Variants in SPATA31H1 observed in about 807,000 individuals in gnomAD.
SPATA31H1 encodes spermatogenesis-associated protein 31H1.
chr2:27,562,866 G>A, the SPATA31H1 span, among the ~76,000 whole-genome samples: 3 of 150,138 alleles, frequency 2.0e-5, no homozygotes, highest in South Asian at 2.1e-4. Context: ...CAGCCTGGAC[G>A]ACAGAGTGAG....
the SPATA31H1 span, among the ~76,000 whole-genome samples, chr2:27,553,778 C>T: frequency 2.6e-5 from 4 of 151,594 alleles, no homozygotes; most frequent in African/African-American, 4.9e-5. Context: ...AAAAATTAGC[C>T]GGGTGTGGTG....
At chr2:27,575,372 T>C in the SPATA31H1 span, 2 of 398,416 alleles carry the variant, frequency 5.0e-6, no homozygotes, top group African/African-American at 2.1e-5. The surrounding 1 kb of genome is among the most constrained non-coding windows in gnomAD (Gnocchi z 4.1). Flanking sequence ...ATCTGCAACA[T>C]AGAAAATCTT....
At chr2:27,577,086 A>G in the SPATA31H1 span, 1 of 1,614,198 alleles carries the variant, frequency 6.2e-7, no homozygotes, top group Non-Finnish European at 8.5e-7. This position sits in a 1 kb window ranked among gnomAD's most constrained non-coding sequence, Gnocchi z 4.5. Flanking sequence ...ATATAAAGGC[A>G]TAGATACTGT....
chr2:27,550,371 T>C, the SPATA31H1 span, among the ~76,000 whole-genome samples: 1 of 151,576 alleles, frequency 6.6e-6, no homozygotes, highest in African/African-American at 2.4e-5. Context: ...TTCCCTTTTA[T>C]TTCCAGTCTG....
the SPATA31H1 span, chr2:27,570,112 A>G: frequency 7.5e-6 from 3 of 398,802 alleles, no homozygotes; most frequent in African/African-American, 4.1e-5. Context: ...CAAGATGTCA[A>G]ATTTTCTGAT....
chr2:27,551,571 C>G, the SPATA31H1 span, among the ~76,000 whole-genome samples: 2 of 151,966 alleles, frequency 1.3e-5, no homozygotes, highest in African/African-American at 4.8e-5. Context: ...ACCAGAAACT[C>G]AAGAGTTGAT....
At chr2:27,561,435 A>T in the SPATA31H1 span, among the ~76,000 whole-genome samples, 2 of 152,362 alleles carry the variant, frequency 1.3e-5, no homozygotes, top group East Asian at 3.9e-4. Context: ...GTGAATTAAC[A>T]TATCCATCAT....
At chr2:27,579,951 T>C in the SPATA31H1 span, 1 of 1,614,218 alleles carries the variant, frequency 6.2e-7, no homozygotes, top group Admixed American at 1.7e-5. Flanking sequence ...GTGTGGCCGA[T>C]GTTCAGGACT....
At chr2:27,544,187 T>C in the SPATA31H1 span, among the ~76,000 whole-genome samples, 1 of 152,092 alleles carries the variant, frequency 6.6e-6, no homozygotes, top group Non-Finnish European at 1.5e-5. Context: ...AAAAGCTTTT[T>C]TGTTAACAAA....
the SPATA31H1 span, among the ~76,000 whole-genome samples, chr2:27,548,856 T>C: frequency 6.6e-6 from 1 of 151,692 alleles, no homozygotes; most frequent in Non-Finnish European, 1.5e-5. Flanking sequence ...TTGGATCACT[T>C]GAGGTCAGGA....
the SPATA31H1 span, chr2:27,575,663 G>C: frequency 2.8e-5 from 11 of 398,492 alleles, no homozygotes; most frequent in Non-Finnish European, 4.9e-5. The surrounding 1 kb of genome is among the most constrained non-coding windows in gnomAD (Gnocchi z 4.1). Flanking sequence ...CACCACATCA[G>C]TGTGTAAATT....
At chr2:27,577,349 T>G in the SPATA31H1 span, 6 of 1,614,054 alleles carry the variant, frequency 3.7e-6, no homozygotes, top group Non-Finnish European at 4.2e-6. The surrounding 1 kb of genome is among the most constrained non-coding windows in gnomAD (Gnocchi z 4.5). Flanking sequence ...TGCAGCAAAC[T>G]GTGGAATATG....
chr2:27,578,153 G>A, the SPATA31H1 span: 1 of 1,614,116 alleles, frequency 6.2e-7, no homozygotes, highest in Non-Finnish European at 8.5e-7. Flanking sequence ...TAAAGTCTGT[G>A]ACGATACCAA....
At chr2:27,561,668 A>C in the SPATA31H1 span, among the ~76,000 whole-genome samples, 3 of 152,052 alleles carry the variant, frequency 2.0e-5, no homozygotes, top group African/African-American at 7.2e-5. Flanking sequence ...GAAGTGATAC[A>C]ATTTTATTTT....
chr2:27,559,713 T>A, the SPATA31H1 span, among the ~76,000 whole-genome samples: 3 of 152,110 alleles, frequency 2.0e-5, no homozygotes, highest in Non-Finnish European at 4.4e-5. Flanking sequence ...TATTCAGAAA[T>A]GTTTTATCAA....
chr2:27,568,960 C>A, the SPATA31H1 span: 1 of 398,888 alleles, frequency 2.5e-6, no homozygotes, highest in Non-Finnish European at 4.4e-6. Flanking sequence ...ATCTCCGGAC[C>A]AGGATATCAA....
chr2:27,564,637 CA>C, the SPATA31H1 span, among the ~76,000 whole-genome samples: 1,478 of 151,926 alleles, frequency 9.7e-3, 26 homozygotes, highest in African/African-American at 0.033. Flanking sequence ...GCCAATGTGG[CA>C]AAACCCCGTC....
the SPATA31H1 span, among the ~76,000 whole-genome samples, chr2:27,538,941 G>T: frequency 6.6e-6 from 1 of 151,982 alleles, no homozygotes; most frequent in Non-Finnish European, 1.5e-5. Flanking sequence ...AAGTGGAAGA[G>T]AAAAAAATAT....
the SPATA31H1 span, among the ~76,000 whole-genome samples, chr2:27,561,751 G>C: frequency 6.6e-6 from 1 of 152,078 alleles, no homozygotes; most frequent in Non-Finnish European, 1.5e-5. Flanking sequence ...ACTCAAGTTG[G>C]AGTGCAGTGG....
Sources: allele counts gnomAD v4.1 joint callset (sites outside exome capture counted in the v4.1 genomes callset), GRCh38; gene constraint gnomAD v4.1.1; non-coding constraint Gnocchi (gnomAD v3.1); transcripts MANE v1.5; gene names NCBI Gene and HGNC (gene_info 2026-07-23, HGNC 2026-07-21).